Variants in LAIR2 observed in about 807,000 individuals in gnomAD.
LAIR2 encodes the protein leukocyte-associated immunoglobulin-like receptor 2.
LAIR2 carries 14 observed loss-of-function variants against 14.8 expected under a neutral mutation model. That is an observed-to-expected ratio of 0.95 (90% CI 0.62 to 1.48). LAIR2 has a LOEUF of 1.48. LAIR2 is among the 40% of genes most tolerant of loss of function. The pLI, the probability that LAIR2 is intolerant of heterozygous loss-of-function variation, is 0.00. For missense variants in LAIR2, 172 were observed against 180.9 expected (o/e 0.95, Z 0.28); for synonymous variants, 75 against 74.5 (o/e 1.01, Z -0.03).
rs1169719180 is a variant in LAIR2, at chr19:54,510,585, C to T, written c.*16C>T. 6.2e-7 allele frequency: 1 copy of T among 1,613,808 alleles called. No individual in the cohort carries two copies. Among genetic ancestry groups the T allele is most frequent in the East Asian group, 2.2e-5 (1 of 44,888 alleles). On this transcript the variant is annotated 3_prime_UTR_variant, in exon 5 of 5. Transcript: ENST00000301202. ...TGCACCATGAATGAGGAGAAATGGC[C>T]TCCCGTCTTGTGAACTTCAATGGGG... is the stretch of plus-strand genomic sequence containing the variant.
chr19:54,503,663 G>A (rs775491451), intron 1 of LAIR2, 37 bp from the exon 2 acceptor site: 3 of 1,613,728 alleles, frequency 1.9e-6, no homozygotes, highest in Admixed American at 3.3e-5. Context: ...AGGAGACTGG[G>A]CAGTGGGCAT....
intron 3 of LAIR2, 105 bp downstream of exon 3, chr19:54,508,289 G>A (rs960163367): frequency 3.1e-5 from 37 of 1,179,072 alleles, no homozygotes; most frequent in African/African-American, 2.5e-4. Flanking sequence ...TGTGGCCACC[G>A]TTGCCCTCTT....
intron 3 of LAIR2, among the ~76,000 whole-genome samples, chr19:54,508,654 C>G (rs1297457826): frequency 2.6e-5 from 4 of 152,268 alleles, no homozygotes; most frequent in Non-Finnish European, 5.9e-5. Flanking sequence ...GGCCCCTGAC[C>G]AGGGCGGGAC....
In LAIR2 at chr19:54,507,999, T is replaced by C. The variant is rs751344667; in HGVS notation, c.179T>C (p.Leu60Pro). ...CCGGTTGGGGTTCAAACATTCCGCC[T>C]GGAGAGGGAGGATAGAGCCAAGTAC... ...RGPVGVQTFRLEREDRAKYKD... is the reference protein window; with the variant it reads ...RGPVGVQTFRPEREDRAKYKD... The change falls in exon 3 of 5, where the codon CTG becomes CCG. Residue 60 changes from leucine (L) to proline (P), a missense_variant. Leu to Pro is a moderately conservative substitution (Grantham distance 98). Transcript: ENST00000301202. The C allele has an allele frequency of 2.0e-5, 32 of 1,614,022 alleles. 1 individual carries two copies. In the South Asian group the frequency reaches 3.3e-4, roughly 17 times the overall value.
At chr19:54,504,230 C>A (rs1410482393) in intron 2 of LAIR2, among the ~76,000 whole-genome samples, 1 of 151,916 alleles carries the variant, frequency 6.6e-6, no homozygotes, top group East Asian at 1.9e-4. Context: ...TCCCACAGTG[C>A]TGGGATTACA....
rs757565426 is a variant in LAIR2 at position 54,502,948 on chromosome 19, C to T, written c.30C>T (p.Gly10=). MSPHLTALL[G]LVLCLAQTIH... is the part of the protein sequence containing the mutation. ...CTCCACACCTCACTGCTCTCCTGGGCCTAGGTGAGTCCTGGAGGGAGCGGG... is the reference window on the plus strand; with the variant it reads ...CTCCACACCTCACTGCTCTCCTGGGTCTAGGTGAGTCCTGGAGGGAGCGGG... The change falls in exon 1 of 5, where the codon GGC becomes GGT. Residue 10 remains glycine, a synonymous_variant. Coordinates refer to ENST00000301202, the MANE Select transcript of LAIR2 (RefSeq NM_002288.6). 3.7e-6 allele frequency: 6 copies of T among 1,613,552 alleles called. No individual in the cohort carries two copies. Among genetic ancestry groups the T allele is most frequent in the South Asian group, 1.1e-5 (1 of 90,990 alleles).
At chr19:54,505,205 A>AAACAC (rs1248568728) in intron 2 of LAIR2, among the ~76,000 whole-genome samples, 1 of 152,124 alleles carries the variant, frequency 6.6e-6, no homozygotes, top group Non-Finnish European at 1.5e-5. Context: ...ATGAGAATTC[A>AAACAC]AACCCAACAC....
chr19:54,507,746 G>C, intron 2 of LAIR2, 145 bp from the exon 3 acceptor site: 1 of 754,920 alleles, frequency 1.3e-6, no homozygotes, highest in Admixed American at 2.3e-5. Context: ...CAGGAGGCGT[G>C]GGAATGTTCT....
intron 2 of LAIR2, 140 bp downstream of exon 2, chr19:54,503,875 A>G: frequency 3.8e-6 from 4 of 1,059,766 alleles, no homozygotes; most frequent in Non-Finnish European, 5.7e-6. Context: ...TCCAAATGTA[A>G]AATGCATAAC....
At position 54,508,007 on chromosome 19, in the gene LAIR2, G is replaced by A. The variant is rs757224312; in HGVS notation, c.187G>A (p.Glu63Lys). 1.2e-6 allele frequency: 2 copies of A among 1,614,214 alleles called. No homozygotes were observed. The highest frequency in any genetic ancestry group is 2.2e-5 in the East Asian group (1 of 44,892). Residue 63 changes from glutamate (E) to lysine (K), a missense_variant, in exon 3 of 5, where the codon GAG becomes AAG. Transcript: ENST00000301202. ...GGTTCAAACATTCCGCCTGGAGAGG[G>A]AGGATAGAGCCAAGTACAAAGATAG... The part of the protein sequence containing the change: ...VGVQTFRLER[E>K]DRAKYKDSYN...
In LAIR2 at chr19:54,503,075, C is replaced by T. The variant is rs1296300456; in HGVS notation, c.34+123C>T. 3 of 880,982 alleles carry T rather than the reference C, an allele frequency of 3.4e-6. No homozygotes were observed. In the African/African-American group the frequency reaches 5.0e-5, roughly 15 times the overall value. The allele number at this position is 880,982 out of a possible 1,614,324, so 54.6% of individuals were successfully genotyped here. ...GGAAAGTGTCCTCCTCCCCCCAAGACTGCCCTACTGCTCTCCCTGGGGCCT... is the reference window on the plus strand; with the variant it reads ...GGAAAGTGTCCTCCTCCCCCCAAGATTGCCCTACTGCTCTCCCTGGGGCCT... On this transcript the variant is annotated intron_variant, in intron 1 of 4. Coordinates refer to ENST00000301202, the MANE Select transcript of LAIR2 (RefSeq NM_002288.6).
intron 2 of LAIR2, among the ~76,000 whole-genome samples, chr19:54,506,513 C>A (rs2085366647): frequency 6.6e-6 from 1 of 152,164 alleles, no homozygotes; most frequent in African/African-American, 2.4e-5. Context: ...GAGAGAGCTT[C>A]CCCTGACTTT....
intron 1 of LAIR2, 88 bp from the exon 2 acceptor site, chr19:54,503,612 C>CT (rs1424850370): frequency 6.5e-7 from 1 of 1,545,192 alleles, no homozygotes; most frequent in Non-Finnish European, 8.9e-7. Context: ...TGCTGAATGC[C>CT]CCCCAGCTCC....
At chr19:54,505,788 G>A (rs1377168510) in intron 2 of LAIR2, among the ~76,000 whole-genome samples, 2 of 150,046 alleles carry the variant, frequency 1.3e-5, no homozygotes, top group Non-Finnish European at 3.0e-5. Context: ...CACTCCATAT[G>A]CCGCTCAACA....
At chr19:54,505,885 G>A (rs374019950) in intron 2 of LAIR2, among the ~76,000 whole-genome samples, 2 of 149,770 alleles carry the variant, frequency 1.3e-5, no homozygotes, top group East Asian at 2.0e-4. Flanking sequence ...GCAATGGCTC[G>A]GTCTTGGCTT....
chr19:54,507,787 T>G, intron 2 of LAIR2, 104 bp from the exon 3 acceptor site: 1 of 1,138,046 alleles, frequency 8.8e-7, no homozygotes, highest in Non-Finnish European at 1.3e-6. Flanking sequence ...GCTGCATAAC[T>G]CTATAAAATT....
chr19:54,505,032 T>A (rs922957126), intron 2 of LAIR2, among the ~76,000 whole-genome samples: 8 of 152,220 alleles, frequency 5.3e-5, no homozygotes, highest in Non-Finnish European at 4.4e-5. Context: ...CTTCCTTTTT[T>A]AGGGCTGAAT....
At chr19:54,505,522 C>T (rs1252811860) in intron 2 of LAIR2, among the ~76,000 whole-genome samples, 1 of 152,192 alleles carries the variant, frequency 6.6e-6, no homozygotes, top group Non-Finnish European at 1.5e-5. Flanking sequence ...ACCCCAGGGA[C>T]TGGCGATTTG....
intron 2 of LAIR2, among the ~76,000 whole-genome samples, chr19:54,506,545 G>A (rs1317114528): frequency 1.3e-5 from 2 of 152,036 alleles, no homozygotes; most frequent in Middle Eastern, 3.2e-3. Flanking sequence ...CAGCTCCACC[G>A]CCCACCTGTC....
Sources: allele counts gnomAD v4.1 joint callset (sites outside exome capture counted in the v4.1 genomes callset), GRCh38; gene constraint gnomAD v4.1.1; transcripts MANE v1.5; gene names NCBI Gene and HGNC (gene_info 2026-07-23, HGNC 2026-07-21).